ZNF583: variants seen among roughly 807,000 people sequenced by gnomAD.
ZNF583 encodes zinc finger protein L3-5.
ZNF583 carries 30 observed loss-of-function variants against 55.3 expected under a neutral mutation model. The observed-to-expected ratio is 0.54, with a 90% CI of 0.41 to 0.74. The LOEUF (loss-of-function observed/expected upper bound fraction) is 0.74. ZNF583 is among the 30% of genes least tolerant of loss of function. The pLI, the probability that ZNF583 is intolerant of heterozygous loss-of-function variation, is 0.00. For synonymous variants in ZNF583, 208 were observed against 220.0 expected (o/e 0.95, Z 0.48); for missense variants, 504 against 664.7 (o/e 0.76, Z 2.66).
intron 4 of ZNF583, among the ~76,000 whole-genome samples, chr19:56,417,492 C>T (rs1176876124): frequency 6.6e-6 from 1 of 152,128 alleles, no homozygotes; most frequent in Non-Finnish European, 1.5e-5. Flanking sequence ...TTTGTTCAAA[C>T]ATTTTTCCCA....
chr19:56,425,983 G>C lies in ZNF583; in HGVS notation c.*1615G>C, dbSNP rs1049871507. The stretch of plus-strand genomic sequence containing the variant: ...AGTGATCAATTCACATGTGACTATA[G>C]ATACAAACAGAATGACGAAAGTTTA... On this transcript the variant is annotated 3_prime_UTR_variant, in exon 5 of 5. Coordinates refer to ENST00000333201, the MANE Select transcript of ZNF583 (RefSeq NM_152478.3). 1.3e-5 allele frequency: 2 copies of C among 152,052 alleles called. No homozygotes were observed. Among genetic ancestry groups the C allele is most frequent in the Non-Finnish European group, 2.9e-5 (2 of 68,016 alleles). The allele number at this position is 152,052 out of a possible 1,614,324, so 9.4% of individuals were successfully genotyped here.
chr19:56,418,312 C>A (rs187950311), intron 4 of ZNF583, among the ~76,000 whole-genome samples: 1 of 151,912 alleles, frequency 6.6e-6, no homozygotes, highest in South Asian at 2.1e-4. Flanking sequence ...TAATGGTGTG[C>A]GCTGGTAATC....
At position 56,423,220 on chromosome 19, in the gene ZNF583, C is replaced by A; in HGVS notation, c.562C>A (p.Pro188Thr). The A allele has an allele frequency of 1.2e-6, 2 of 1,612,756 alleles. No individual in the cohort carries two copies. ...CAAAGAAAAAGCACATAAGCATGAA[C>A]CACAAAAGAAAAGTTACCGAAAAAA... ...PTKEKAHKHE[P>T]QKKSYRKKSV... Residue 188 changes from proline to threonine, a missense_variant, in exon 5 of 5, where the codon CCA becomes ACA. Transcript: ENST00000333201.
At chr19:56,408,295 A>G (rs1376536511) in intron 2 of ZNF583, among the ~76,000 whole-genome samples, 1 of 152,224 alleles carries the variant, frequency 6.6e-6, no homozygotes, top group Non-Finnish European at 1.5e-5. Context: ...GCAGAAATCA[A>G]CTAGTACAGC....
chr19:56,405,732 A>G (rs1425816755), intron 1 of ZNF583, among the ~76,000 whole-genome samples: 1 of 152,194 alleles, frequency 6.6e-6, no homozygotes, highest in Non-Finnish European at 1.5e-5. Flanking sequence ...TGTGCTGGTT[A>G]TGAAAATAAA....
At chr19:56,405,648 T>C (rs2042134968) in intron 1 of ZNF583, among the ~76,000 whole-genome samples, 1 of 152,078 alleles carries the variant, frequency 6.6e-6, no homozygotes, top group East Asian at 1.9e-4. Context: ...TCTGGCACAG[T>C]AGTTTTTCCA....
At chr19:56,418,312 C>T (rs187950311) in intron 4 of ZNF583, among the ~76,000 whole-genome samples, 13 of 152,032 alleles carry the variant, frequency 8.6e-5, no homozygotes, top group African/African-American at 2.2e-4. Context: ...TAATGGTGTG[C>T]GCTGGTAATC....
At chr19:56,421,570 C>G in intron 4 of ZNF583, 1 of 890,666 alleles carries the variant, frequency 1.1e-6, no homozygotes, top group Non-Finnish European at 1.3e-6. Flanking sequence ...TCATTATCCA[C>G]TGTAATATTT....
chr19:56,415,654 C>T (rs1026329938), intron 4 of ZNF583, among the ~76,000 whole-genome samples: 104 of 152,284 alleles, frequency 6.8e-4, no homozygotes, highest in African/African-American at 2.4e-3. Flanking sequence ...ACCTCCACCT[C>T]CCAGGTTCAA....
chr19:56,406,564 G>A (rs1424809777), intron 1 of ZNF583, among the ~76,000 whole-genome samples: 3 of 124,882 alleles, frequency 2.4e-5, no homozygotes, highest in Admixed American at 1.0e-4. Context: ...ACAGAGTCTC[G>A]CTCTGTGGCC....
At chr19:56,411,704 C>A (rs1036539476) in intron 2 of ZNF583, among the ~76,000 whole-genome samples, 4 of 152,196 alleles carry the variant, frequency 2.6e-5, no homozygotes, top group African/African-American at 9.7e-5. Flanking sequence ...CATTCTTTTC[C>A]TTCTTTGAAG....
chr19:56,413,306 C>T (rs2042266193), intron 2 of ZNF583, among the ~76,000 whole-genome samples: 1 of 152,220 alleles, frequency 6.6e-6, no homozygotes, highest in African/African-American at 2.4e-5. Flanking sequence ...CAGTGGCATA[C>T]TTTCACACAT....
intron 4 of ZNF583, among the ~76,000 whole-genome samples, chr19:56,417,934 A>G (rs569128940): frequency 1.3e-5 from 2 of 152,132 alleles, no homozygotes; most frequent in African/African-American, 4.8e-5. Flanking sequence ...TCACCTTGCT[A>G]CTTTTCCTGA....
At position 56,423,668 on chromosome 19, in the gene ZNF583, C is replaced by T; in HGVS notation, c.1010C>T (p.Ser337Leu). The T allele has an allele frequency of 6.2e-7, 1 of 1,613,988 alleles. No homozygotes were observed. The highest frequency in any genetic ancestry group is 8.5e-7 in the Non-Finnish European group (1 of 1,180,004). Residue 337 changes from serine (S) to leucine (L), a missense_variant, in exon 5 of 5, where the codon TCA becomes TTA. Coordinates refer to ENST00000333201, the MANE Select transcript of ZNF583 (RefSeq NM_152478.3). ...TGTGGAAAGGCCTTTAGTAATGGTTCATTTCTTGCTCAGCATCAGAGAATT... is the reference window on the plus strand; with the variant it reads ...TGTGGAAAGGCCTTTAGTAATGGTTTATTTCTTGCTCAGCATCAGAGAATT... Reference protein sequence around the residue: ...IECGKAFSNGSFLAQHQRIHT... With the variant: ...IECGKAFSNGLFLAQHQRIHT...
Position 56,413,455 on chromosome 19 carries a change from CATATTT to C in ZNF583, c.10-499_10-494del, listed in dbSNP as rs1225236308. ...TTGGAAAGTCAATATAAGCATCAAA[CATATTT>C]ATATATATTTTTATACAACCTTATT... On this transcript the variant is annotated intron_variant, in intron 2 of 4. Transcript: ENST00000333201. Among the ~76,000 whole-genome samples, 7 of 152,312 alleles carry C rather than the reference CATATTT, an allele frequency of 4.6e-5. No individual in the cohort carries two copies. The East Asian group carries it at 1.3e-3, about 29-fold the overall frequency.
chr19:56,406,951 G>A, intron 1 of ZNF583, 75 bp from the exon 2 acceptor site: 1 of 639,492 alleles, frequency 1.6e-6, no homozygotes, highest in Non-Finnish European at 2.7e-6. Flanking sequence ...GAAAGAGAAG[G>A]AAAGGTTTCT....
chr19:56,418,402 C>G (rs2042361691), intron 4 of ZNF583, among the ~76,000 whole-genome samples: 1 of 146,348 alleles, frequency 6.8e-6, no homozygotes, highest in Admixed American at 6.7e-5. Flanking sequence ...TAGCAAGACT[C>G]TGTCTGAAAA....
chr19:56,414,590 G>A (rs1228507906), intron 4 of ZNF583, 150 bp downstream of exon 4: 2 of 637,742 alleles, frequency 3.1e-6, no homozygotes, highest in African/African-American at 3.7e-5. Context: ...TTTAGTATGA[G>A]CTCCTCAATT....
At chr19:56,406,782 C>T (rs2042159510) in intron 1 of ZNF583, among the ~76,000 whole-genome samples, 1 of 152,130 alleles carries the variant, frequency 6.6e-6, no homozygotes, top group Non-Finnish European at 1.5e-5. Context: ...CAGCCTCGGC[C>T]TCCCAAAGTG....
Sources: gnomAD v4.1 joint callset for allele counts (sites outside exome capture counted in the v4.1 genomes callset) on GRCh38, gnomAD v4.1.1 for gene constraint, MANE v1.5 for transcripts, NCBI Gene and HGNC (gene_info 2026-07-23, HGNC 2026-07-21) for gene names.